The following HPSE2 variants were observed in gnomAD, a reference collection of about 807,000 sequenced individuals.
The protein encoded by HPSE2 is heparanase 2 (inactive), also known as inactive heparanase-2.
HPSE2 carries 38 observed loss-of-function variants against 60.5 expected under a neutral mutation model. The observed-to-expected ratio is 0.63, with a 90% CI of 0.48 to 0.82. HPSE2 has a LOEUF of 0.82. Ranked by LOEUF, HPSE2 falls within the 40% of genes least tolerant of loss-of-function variation. HPSE2 has a pLI of 0.00. For synonymous variants in HPSE2, 295 were observed against 293.2 expected (o/e 1.01, Z -0.06); for missense variants, 713 against 740.4 (o/e 0.96, Z 0.43).
At chr10:98,815,565 C>A (rs981566040) in intron 3 of HPSE2, among the ~76,000 whole-genome samples, 1 of 152,136 alleles carries the variant, frequency 6.6e-6, no homozygotes, top group Non-Finnish European at 1.5e-5. Flanking sequence ...ATTTCCTATG[C>A]TTCCTGTTGG....
At chr10:98,594,297 G>A (rs897471898) in intron 9 of HPSE2, among the ~76,000 whole-genome samples, 9 of 151,352 alleles carry the variant, frequency 5.9e-5, no homozygotes, top group Non-Finnish European at 1.0e-4. Context: ...TCCCTACCCC[G>A]CCTCCCCTTC....
chr10:98,519,629 C>T (rs1044029532), intron 9 of HPSE2, among the ~76,000 whole-genome samples: 4 of 152,240 alleles, frequency 2.6e-5, no homozygotes, highest in African/African-American at 9.6e-5. Flanking sequence ...AAGTAACTGG[C>T]TGACTCCTTT....
At chr10:98,867,857 C>T (rs1952629627) in intron 3 of HPSE2, among the ~76,000 whole-genome samples, 1 of 151,994 alleles carries the variant, frequency 6.6e-6, no homozygotes, top group Admixed American at 6.6e-5. Flanking sequence ...GTCAGGAGTT[C>T]AAAACCAGCC....
intron 9 of HPSE2, among the ~76,000 whole-genome samples, chr10:98,528,340 A>C (rs1210216133): frequency 6.6e-6 from 1 of 152,140 alleles, no homozygotes; most frequent in Admixed American, 6.5e-5. Context: ...AATACACTTA[A>C]GTTTTGAAAG....
At chr10:99,041,074 G>A (rs1260315973) in intron 3 of HPSE2, among the ~76,000 whole-genome samples, 7 of 149,592 alleles carry the variant, frequency 4.7e-5, no homozygotes, top group South Asian at 4.3e-4. Flanking sequence ...GTGACATAGC[G>A]AGACTCCATC....
At chr10:98,697,051 GA>G (rs34127446) in intron 5 of HPSE2, among the ~76,000 whole-genome samples, 89,852 of 151,388 alleles carry the variant, frequency 0.59, 27,128 homozygotes, top group South Asian at 0.78. Context: ...AAGAAGCAGT[GA>G]AAAAAAAACA....
chr10:98,591,102 C>T (rs1945077109), intron 9 of HPSE2, among the ~76,000 whole-genome samples: 1 of 134,394 alleles, frequency 7.4e-6, no homozygotes, highest in African/African-American at 2.6e-5. Context: ...TATTTAGATA[C>T]AGGAAGAACG....
At chr10:98,593,689 T>G (rs1185507752) in intron 9 of HPSE2, among the ~76,000 whole-genome samples, 1 of 152,170 alleles carries the variant, frequency 6.6e-6, no homozygotes, top group Non-Finnish European at 1.5e-5. Flanking sequence ...GAGTAAGATA[T>G]GAAGACAGGG....
intron 3 of HPSE2, among the ~76,000 whole-genome samples, chr10:98,980,385 T>C (rs1243038467): frequency 1.3e-5 from 2 of 152,064 alleles, no homozygotes; most frequent in South Asian, 2.1e-4. Flanking sequence ...CAGAGTGTAA[T>C]TGAGCAAGGA....
intron 3 of HPSE2, among the ~76,000 whole-genome samples, chr10:98,833,761 C>A (rs2134663700): frequency 1.3e-5 from 2 of 152,180 alleles, no homozygotes; most frequent in South Asian, 4.1e-4. Flanking sequence ...TTAAATTCAT[C>A]CAAGGGGAAG....
chr10:98,846,146 G>A (rs1952029051), intron 3 of HPSE2, among the ~76,000 whole-genome samples: 1 of 152,092 alleles, frequency 6.6e-6, no homozygotes, highest in Admixed American at 6.6e-5. Flanking sequence ...TACTGATTTT[G>A]TCTTTATACA....
At chr10:99,182,145 G>T (rs1327344032) in intron 2 of HPSE2, among the ~76,000 whole-genome samples, 1 of 152,182 alleles carries the variant, frequency 6.6e-6, no homozygotes, top group African/African-American at 2.4e-5. Context: ...GGTAGCCCTA[G>T]CAAATTAATG....
chr10:98,610,747 T>G (rs1945732792), intron 9 of HPSE2, among the ~76,000 whole-genome samples: 1 of 152,186 alleles, frequency 6.6e-6, no homozygotes, highest in African/African-American at 2.4e-5. Context: ...ATAGATGAAT[T>G]TATGTGCATG....
At chr10:99,017,254 G>GA (rs1957164283) in intron 3 of HPSE2, among the ~76,000 whole-genome samples, 1 of 152,006 alleles carries the variant, frequency 6.6e-6, no homozygotes, top group African/African-American at 2.4e-5. Flanking sequence ...GAATTGTATG[G>GA]AAATCCTTTT....
chr10:99,066,171 T>A lies in HPSE2; in HGVS notation c.610+78067A>T, dbSNP rs1842611439. Among the ~76,000 whole-genome samples, 4 of 152,150 alleles carry A rather than the reference T, an allele frequency of 2.6e-5. No homozygotes were observed. In the South Asian group the frequency reaches 8.3e-4, roughly 32 times the overall value. On this transcript the variant is annotated intron_variant, in intron 3 of 11. Coordinates refer to ENST00000370552, the MANE Select transcript of HPSE2 (RefSeq NM_021828.5). ...CCCCAATATCCAAACAGAACAAATA[T>A]CTGGATAGTCTCTGCCAAACCAAGA...
At chr10:98,810,706 T>C (rs551756474) in intron 3 of HPSE2, among the ~76,000 whole-genome samples, 1 of 152,032 alleles carries the variant, frequency 6.6e-6, no homozygotes, top group Non-Finnish European at 1.5e-5. Flanking sequence ...AGAAGAAGAA[T>C]TGTCTTGGGC....
intron 3 of HPSE2, among the ~76,000 whole-genome samples, chr10:98,898,687 C>T: frequency 6.6e-6 from 1 of 152,030 alleles, no homozygotes; most frequent in East Asian, 1.9e-4. Context: ...TAAAACAGCA[C>T]ACAAAAGTGA....
intron 4 of HPSE2, among the ~76,000 whole-genome samples, chr10:98,728,477 G>A (rs866321587): frequency 6.6e-6 from 1 of 152,082 alleles, no homozygotes; most frequent in Non-Finnish European, 1.5e-5. Flanking sequence ...AATTACCCCT[G>A]TGTGGTGCTG....
At chr10:98,704,312 C>T (rs914960475) in intron 5 of HPSE2, among the ~76,000 whole-genome samples, 2 of 151,950 alleles carry the variant, frequency 1.3e-5, no homozygotes, top group East Asian at 1.9e-4. Context: ...GAATCAATAC[C>T]GTGAAAATGG....
Sources: allele counts gnomAD v4.1 joint callset (sites outside exome capture counted in the v4.1 genomes callset), GRCh38; gene constraint gnomAD v4.1.1; transcripts MANE v1.5; gene names NCBI Gene and HGNC (gene_info 2026-07-23, HGNC 2026-07-21).